Variants in AFG2A observed in about 807,000 individuals in gnomAD.
AFG2A encodes ATPase family gene 2 protein homolog A.
chr4:123,059,055 T>C, the AFG2A span, among the ~76,000 whole-genome samples: 1 of 151,992 alleles, frequency 6.6e-6, no homozygotes, highest in Non-Finnish European at 1.5e-5. Flanking sequence ...ATGGGAGAAA[T>C]TGGTCAAAAT....
the AFG2A span, among the ~76,000 whole-genome samples, chr4:122,961,825 T>C: frequency 6.6e-6 from 1 of 152,188 alleles, no homozygotes; most frequent in Non-Finnish European, 1.5e-5. Context: ...TTGCTGAACT[T>C]TGGGTCATCC....
the AFG2A span, among the ~76,000 whole-genome samples, chr4:123,082,820 A>G: frequency 2.0e-5 from 3 of 151,690 alleles, no homozygotes; most frequent in Non-Finnish European, 4.4e-5. Context: ...CTCTCCATTT[A>G]TTTAGATTTT....
At chr4:123,097,584 C>T in the AFG2A span, among the ~76,000 whole-genome samples, 1 of 152,112 alleles carries the variant, frequency 6.6e-6, no homozygotes, top group Non-Finnish European at 1.5e-5. Flanking sequence ...ACAAGACTCT[C>T]ATAAGTGTTT....
chr4:122,966,204 A>G, the AFG2A span, among the ~76,000 whole-genome samples: 2 of 152,220 alleles, frequency 1.3e-5, no homozygotes, highest in Non-Finnish European at 2.9e-5. Flanking sequence ...TCCAGAATCA[A>G]TACTTCAGAG....
chr4:123,313,858 C>T, the AFG2A span: 3 of 1,524,514 alleles, frequency 2.0e-6, no homozygotes, highest in South Asian at 2.7e-5. Context: ...TTTCTACCTC[C>T]TTTTATTTAC....
At chr4:122,937,278 T>C in the AFG2A span, among the ~76,000 whole-genome samples, 1 of 152,186 alleles carries the variant, frequency 6.6e-6, no homozygotes, top group African/African-American at 2.4e-5. Context: ...CTAAATTCCC[T>C]GAGCTCAAGT....
At chr4:122,958,265 T>C in the AFG2A span, among the ~76,000 whole-genome samples, 8 of 152,348 alleles carry the variant, frequency 5.3e-5, no homozygotes, top group African/African-American at 1.9e-4. Flanking sequence ...TTCCAAGCTT[T>C]GGCTCTGATA....
At chr4:123,037,384 G>A in the AFG2A span, among the ~76,000 whole-genome samples, 4 of 151,984 alleles carry the variant, frequency 2.6e-5, no homozygotes, top group Admixed American at 2.6e-4. Flanking sequence ...TATTGGCCAT[G>A]GAATGTTAAA....
the AFG2A span, among the ~76,000 whole-genome samples, chr4:122,997,520 A>G: frequency 6.6e-6 from 1 of 152,098 alleles, no homozygotes; most frequent in South Asian, 2.1e-4. Flanking sequence ...GATATAGCCC[A>G]TTTGATTTAT....
At chr4:123,111,820 T>C in the AFG2A span, among the ~76,000 whole-genome samples, 1 of 152,132 alleles carries the variant, frequency 6.6e-6, no homozygotes, top group African/African-American at 2.4e-5. Context: ...CATTGCAACT[T>C]CTGCCTTCTG....
chr4:123,206,354 A>G, the AFG2A span, among the ~76,000 whole-genome samples: 1 of 152,144 alleles, frequency 6.6e-6, no homozygotes, highest in Non-Finnish European at 1.5e-5. Context: ...TCTATCAGAA[A>G]ATGTTAACCA....
At chr4:123,045,343 C>T in the AFG2A span, among the ~76,000 whole-genome samples, 1 of 152,142 alleles carries the variant, frequency 6.6e-6, no homozygotes, top group Admixed American at 6.5e-5. Context: ...TACATAACCA[C>T]AGTGTAACCA....
chr4:123,206,356 T>G, the AFG2A span, among the ~76,000 whole-genome samples: 3 of 152,130 alleles, frequency 2.0e-5, no homozygotes, highest in African/African-American at 7.2e-5. Flanking sequence ...TATCAGAAAA[T>G]GTTAACCACG....
chr4:123,149,704 A>G, the AFG2A span, among the ~76,000 whole-genome samples: 1 of 151,810 alleles, frequency 6.6e-6, no homozygotes, highest in African/African-American at 2.4e-5. Flanking sequence ...TGTGCTGTTC[A>G]TTTCAATGGT....
the AFG2A span, among the ~76,000 whole-genome samples, chr4:123,038,699 G>A: frequency 6.6e-6 from 1 of 152,040 alleles, no homozygotes; most frequent in Non-Finnish European, 1.5e-5. Flanking sequence ...TAGGGACCCT[G>A]CAGTCTTTTC....
At chr4:123,018,872 A>G in the AFG2A span, among the ~76,000 whole-genome samples, 14 of 150,630 alleles carry the variant, frequency 9.3e-5, no homozygotes, top group African/African-American at 7.3e-5. Context: ...AAGCTGATTC[A>G]TATTTATTTG....
chr4:123,211,424 T>G, the AFG2A span, among the ~76,000 whole-genome samples: 2 of 152,084 alleles, frequency 1.3e-5, no homozygotes, highest in Non-Finnish European at 2.9e-5. Context: ...GAAAAAGAAC[T>G]GTAGGAAGAA....
the AFG2A span, among the ~76,000 whole-genome samples, chr4:123,135,162 T>G: frequency 1.3e-5 from 2 of 152,184 alleles, no homozygotes; most frequent in African/African-American, 4.8e-5. Flanking sequence ...AAAAACTACA[T>G]GATCATTTCA....
At chr4:123,088,851 C>T in the AFG2A span, among the ~76,000 whole-genome samples, 2 of 152,158 alleles carry the variant, frequency 1.3e-5, no homozygotes, top group African/African-American at 2.4e-5. Flanking sequence ...TAAACCTGTA[C>T]TCTTCATAAA....
Sources: gnomAD v4.1 joint callset for allele counts (sites outside exome capture counted in the v4.1 genomes callset) on GRCh38, gnomAD v4.1.1 for gene constraint, MANE v1.5 for transcripts, NCBI Gene and HGNC (gene_info 2026-07-23, HGNC 2026-07-21) for gene names.